The following SIPA1L1 variants were observed in gnomAD, a reference collection of about 807,000 sequenced individuals.
SIPA1L1 encodes the protein signal-induced proliferation-associated 1-like protein 1.
A neutral mutation model predicts 162.7 loss-of-function variants in SIPA1L1; 26 were observed. The observed-to-expected ratio is 0.16, with a 90% CI of 0.12 to 0.22. SIPA1L1 has a LOEUF of 0.22. Ranked by LOEUF, SIPA1L1 falls within the 10% of genes least tolerant of loss-of-function variation. The pLI is 1.00. For synonymous variants in SIPA1L1, 829 were observed against 837.4 expected (o/e 0.99, Z 0.17); for missense variants, 1,874 against 2,241.0 (o/e 0.84, Z 3.31).
At chr14:71,705,088 A>C in intron 15 of SIPA1L1, 134 bp from the exon 16 acceptor site, 1 of 704,444 alleles carries the variant, frequency 1.4e-6, no homozygotes, top group Middle Eastern at 2.5e-4. Flanking sequence ...ATAGACTCTT[A>C]ACAAGCTTAC....
At chr14:71,738,109 T>C in intron 22 of SIPA1L1, 132 bp from the exon 23 acceptor site, 2 of 536,684 alleles carry the variant, frequency 3.7e-6, no homozygotes, top group Non-Finnish European at 6.5e-6. Flanking sequence ...TGGGTCGCCA[T>C]ACTGAGTAAT....
intron 3 of SIPA1L1, among the ~76,000 whole-genome samples, chr14:71,528,491 C>A (rs1341762829): frequency 6.6e-6 from 1 of 151,810 alleles, no homozygotes. Flanking sequence ...CTTGTCTCTA[C>A]TAAAAATACA....
At chr14:71,542,090 T>C (rs1420813662) in intron 4 of SIPA1L1, among the ~76,000 whole-genome samples, 1 of 152,086 alleles carries the variant, frequency 6.6e-6, no homozygotes, top group Admixed American at 6.5e-5. Context: ...TATATTTTTA[T>C]TTTTTTAGAA....
At chr14:71,487,402 C>T (rs906179082) in intron 2 of SIPA1L1, among the ~76,000 whole-genome samples, 2 of 152,322 alleles carry the variant, frequency 1.3e-5, no homozygotes, top group Non-Finnish European at 1.5e-5. Context: ...CCTGACTTCT[C>T]ATAGGAAGCA....
At chr14:71,534,207 G>T (rs1375200667) in intron 4 of SIPA1L1, among the ~76,000 whole-genome samples, 2 of 152,174 alleles carry the variant, frequency 1.3e-5, no homozygotes, top group Non-Finnish European at 2.9e-5. Context: ...TAAGCCAAGA[G>T]ACCATGCCTT....
chr14:71,738,972 G>A (rs978109036), intron 23 of SIPA1L1, 46 bp from the exon 24 acceptor site: 4 of 1,589,228 alleles, frequency 2.5e-6, no homozygotes, highest in Non-Finnish European at 3.4e-6. Flanking sequence ...GCTGGGCAAG[G>A]TGGGGCCAAC....
chr14:71,577,952 C>T (rs1387864968), intron 4 of SIPA1L1, among the ~76,000 whole-genome samples: 1 of 151,948 alleles, frequency 6.6e-6, no homozygotes. Flanking sequence ...GCTCTGGCAC[C>T]CAGGCTGGAG....
At chr14:71,410,530 A>T (rs1229889557) in intron 2 of SIPA1L1, among the ~76,000 whole-genome samples, 2 of 152,030 alleles carry the variant, frequency 1.3e-5, no homozygotes, top group Non-Finnish European at 2.9e-5. Context: ...AGGATTTTTT[A>T]TTTTTTTGGA....
chr14:71,454,698 A>G (rs1195685819), intron 2 of SIPA1L1, among the ~76,000 whole-genome samples: 1 of 152,196 alleles, frequency 6.6e-6, no homozygotes, highest in Non-Finnish European at 1.5e-5. Context: ...TTTTCTTACA[A>G]CTGAACAAAT....
rs761057478 is a variant in SIPA1L1, at chr14:71,733,659, C to T, written c.4862-7C>T. 1 of 1,612,786 alleles carries T rather than the reference C, an allele frequency of 6.2e-7. No homozygotes were observed. The highest frequency in any genetic ancestry group is 1.3e-5 in the African/African-American group (1 of 75,036). ...AGAAGCATCTCATTCCTCCTCCCTTCCCGCAGGAGAGTTCTCAGCCTCGGA... is the reference window on the plus strand; with the variant it reads ...AGAAGCATCTCATTCCTCCTCCCTTTCCGCAGGAGAGTTCTCAGCCTCGGA... On this transcript the variant is annotated splice_region_variant and splice_polypyrimidine_tract_variant and intron_variant, in intron 20 of 23. Transcript: ENST00000381232.
chr14:71,332,864 A>G (rs1029010671), intron 2 of SIPA1L1, among the ~76,000 whole-genome samples: 1 of 152,216 alleles, frequency 6.6e-6, no homozygotes, highest in African/African-American at 2.4e-5. Context: ...CCTACTGTAA[A>G]AATTCTATAA....
rs561864129 is a variant in SIPA1L1 at position 71,634,198 on chromosome 14, T to C, written c.1818+9962T>C. Among the ~76,000 whole-genome samples, 3 of 151,480 alleles carry C rather than the reference T, an allele frequency of 2.0e-5. No individual in the cohort carries two copies. In the East Asian group the frequency reaches 5.9e-4, roughly 30 times the overall value. On this transcript the variant is annotated intron_variant, in intron 7 of 23. Transcript: ENST00000381232. Reference sequence around the variant, plus strand: ...GGTGGATCACCTGAGGTTGGGAGTTTGAGACCAGACTGCCCAACATGGCGA... The same window carrying C: ...GGTGGATCACCTGAGGTTGGGAGTTCGAGACCAGACTGCCCAACATGGCGA...
chr14:71,576,166 C>A lies in SIPA1L1; in HGVS notation c.-302-11405C>A, dbSNP rs567497355. On this transcript the variant is annotated intron_variant, in intron 4 of 23. Transcript: ENST00000381232. ...GTCTCACTGGGGAGAGAAGGCTGAA[C>A]CACAGGTAGACTGAATCTTGAAATT... 3.9e-5 allele frequency among the ~76,000 whole-genome samples: 6 copies of A among 152,248 alleles called. No individual in the cohort carries two copies. The South Asian group carries it at 1.0e-3, about 26-fold the overall frequency.
intron 2 of SIPA1L1, among the ~76,000 whole-genome samples, chr14:71,418,808 G>T (rs146393507): frequency 6.6e-6 from 1 of 152,146 alleles, no homozygotes; most frequent in Non-Finnish European, 1.5e-5. Context: ...AAGGCCATAT[G>T]GTGGGTAAAG....
chr14:71,648,181 T>C (rs371582374), intron 7 of SIPA1L1, among the ~76,000 whole-genome samples: 138 of 152,184 alleles, frequency 9.1e-4, no homozygotes, highest in South Asian at 2.3e-3. Flanking sequence ...TACCAGCTAC[T>C]TGGGAGGCTG....
chr14:71,678,503 G>T (rs546953599), intron 12 of SIPA1L1, among the ~76,000 whole-genome samples: 1 of 152,160 alleles, frequency 6.6e-6, no homozygotes, highest in Admixed American at 6.5e-5. Context: ...ACTTGATCAT[G>T]GTGGATAAGC....
intron 4 of SIPA1L1, chr14:71,574,861 G>A (rs2032742574): frequency 6.6e-6 from 1 of 152,090 alleles, no homozygotes; most frequent in South Asian, 2.1e-4. Flanking sequence ...AGATTTTTAA[G>A]TTTAGGGGAT....
intron 2 of SIPA1L1, among the ~76,000 whole-genome samples, chr14:71,497,286 C>T (rs1484084503): frequency 2.0e-5 from 3 of 152,152 alleles, no homozygotes; most frequent in Non-Finnish European, 4.4e-5. Context: ...CTCAAGGGAT[C>T]GTTCTTCCTT....
chr14:71,483,867 A>G (rs1326604209), intron 2 of SIPA1L1, among the ~76,000 whole-genome samples: 1 of 152,114 alleles, frequency 6.6e-6, no homozygotes, highest in East Asian at 1.9e-4. Flanking sequence ...CTGATGCACT[A>G]TGCTCTCTGT....
Sources: gnomAD v4.1 joint callset for allele counts (sites outside exome capture counted in the v4.1 genomes callset) on GRCh38, gnomAD v4.1.1 for gene constraint, MANE v1.5 for transcripts, NCBI Gene and HGNC (gene_info 2026-07-23, HGNC 2026-07-21) for gene names.